Variants in SDR42E1 observed in about 807,000 individuals in gnomAD.
The protein encoded by SDR42E1 is short-chain dehydrogenase/reductase family 42E member 1.
A neutral mutation model predicts 2.6 loss-of-function variants in SDR42E1; 5 were observed. The ratio of observed to expected loss-of-function variants is 1.94; its 90% confidence interval spans 1.01 to 4.08. The LOEUF (loss-of-function observed/expected upper bound fraction) is 4.08. SDR42E1 is among the 30% of genes most tolerant of loss of function. The probability of loss-of-function intolerance (pLI) is 0.00; values close to 1 mark genes in which losing one functional copy is unlikely to be tolerated. For synonymous variants in SDR42E1, 231 were observed against 188.3 expected (o/e 1.23, Z -1.86); for missense variants, 596 against 478.6 (o/e 1.25, Z -2.29).
Position 81,989,394 on chromosome 16 carries a change from G to C in SDR42E1, c.*9717C>G, listed in dbSNP as rs1013102148. Reference sequence around the variant, plus strand: ...GAAATTTGGGGACATTAGTAAAAGGGGTCTTTGGCCTTATCCGTAATATTT... The same window carrying C: ...GAAATTTGGGGACATTAGTAAAAGGCGTCTTTGGCCTTATCCGTAATATTT... On this transcript the variant is annotated 3_prime_UTR_variant, in exon 3 of 3. Coordinates refer to ENST00000328945, the MANE Select transcript of SDR42E1 (RefSeq NM_145168.3). The C allele has an allele frequency of 2.0e-5, 3 of 152,026 alleles. No individual in the cohort carries two copies. Among genetic ancestry groups the C allele is most frequent in the Admixed American group, 6.5e-5 (1 of 15,272 alleles). The allele number at this position is 152,026 out of a possible 1,614,324, so 9.4% of individuals were successfully genotyped here.
At position 81,989,188 on chromosome 16, in the gene SDR42E1, A is replaced by T. The variant is rs1466142504; in HGVS notation, c.*9923T>A. 6.6e-6 allele frequency: 1 copy of T among 152,176 alleles called. No individual in the cohort carries two copies. Among genetic ancestry groups the T allele is most frequent in the Non-Finnish European group, 1.5e-5 (1 of 68,024 alleles). The allele number at this position is 152,176 out of a possible 1,614,324, so 9.4% of individuals were successfully genotyped here. A position where few individuals can be genotyped will look rare whatever the true frequency, so the allele number is the denominator to read the frequency against. On this transcript the variant is annotated 3_prime_UTR_variant, in exon 3 of 3. Coordinates refer to ENST00000328945, the MANE Select transcript of SDR42E1 (RefSeq NM_145168.3). The stretch of plus-strand genomic sequence containing the variant: ...ACTAGGACATATGCTTATCATCTTT[A>T]TATACCCGGTGACCTCCTATGTCAG...
At chr16:82,011,231 A>G (rs929218651) in intron 1 of SDR42E1, among the ~76,000 whole-genome samples, 156 bp downstream of exon 1, 4 of 152,132 alleles carry the variant, frequency 2.6e-5, no homozygotes, top group African/African-American at 9.6e-5. Context: ...GATCAGGAAG[A>G]CATCTGAAAG....
In SDR42E1 at chr16:81,997,227, G is replaced by A. The variant is rs944175741; in HGVS notation, c.*1884C>T. ...CCGTTGGGCCCCTAAAATCCTTCTG[G>A]CAAGAAGCAGGCAGAAAAAGCTTTG... On this transcript the variant is annotated 3_prime_UTR_variant, in exon 3 of 3. Transcript: ENST00000328945. 4 of 152,210 alleles carry A rather than the reference G, an allele frequency of 2.6e-5. No individual in the cohort carries two copies. The highest frequency in any genetic ancestry group is 5.9e-5 in the Non-Finnish European group (4 of 68,040). The allele number at this position is 152,210 out of a possible 1,614,324, so 9.4% of individuals were successfully genotyped here.
chr16:82,010,047 C>G (rs2143870328), intron 1 of SDR42E1, among the ~76,000 whole-genome samples: 2 of 152,370 alleles, frequency 1.3e-5, no homozygotes, highest in African/African-American at 4.8e-5. Context: ...TAAGATGTGA[C>G]TTTGCTCCTC....
intron 1 of SDR42E1, among the ~76,000 whole-genome samples, chr16:82,005,424 CA>C (rs1401268160): frequency 6.6e-6 from 1 of 152,204 alleles, no homozygotes; most frequent in Non-Finnish European, 1.5e-5. Flanking sequence ...AAAGCCTTCA[CA>C]GGATGGTAGC....
In SDR42E1 at chr16:81,998,933, T is replaced by C; in HGVS notation, c.*178A>G. 1.5e-6 allele frequency: 1 copy of C among 657,732 alleles called. No individual in the cohort carries two copies. Among genetic ancestry groups the C allele is most frequent in the African/African-American group, 1.8e-5 (1 of 55,096 alleles). The allele number at this position is 657,732 out of a possible 1,614,324, so 40.7% of individuals were successfully genotyped here. ...ACTAATCTCTGCTTCTGCTTTTTCATTCCCATCTGGATTAGTGCAAGGAAA... is the reference window on the plus strand; with the variant it reads ...ACTAATCTCTGCTTCTGCTTTTTCACTCCCATCTGGATTAGTGCAAGGAAA... On this transcript the variant is annotated 3_prime_UTR_variant, in exon 3 of 3. Coordinates refer to ENST00000328945, the MANE Select transcript of SDR42E1 (RefSeq NM_145168.3).
intron 1 of SDR42E1, among the ~76,000 whole-genome samples, chr16:82,003,311 G>A (rs895066520): frequency 1.3e-5 from 2 of 152,208 alleles, no homozygotes; most frequent in South Asian, 2.1e-4. Context: ...TTTTCTGAGT[G>A]CAGAACACTC....
At chr16:82,005,959 T>G (rs1912919876) in intron 1 of SDR42E1, among the ~76,000 whole-genome samples, 1 of 152,164 alleles carries the variant, frequency 6.6e-6, no homozygotes, top group Admixed American at 6.5e-5. Context: ...GAGAAAAAAC[T>G]AATAAAAGAT....
chr16:82,002,498 G>A (rs1485840446), intron 1 of SDR42E1, among the ~76,000 whole-genome samples: 1 of 152,150 alleles, frequency 6.6e-6, no homozygotes, highest in African/African-American at 2.4e-5. Context: ...TGCTTTATGT[G>A]TATGTTAGCC....
chr16:82,001,290 A>G (rs183963644), intron 1 of SDR42E1, among the ~76,000 whole-genome samples: 1 of 152,300 alleles, frequency 6.6e-6, no homozygotes, highest in East Asian at 1.9e-4. Flanking sequence ...AAAATTAGAG[A>G]GCACTCTAAA....
rs1000794365 is a variant in SDR42E1 at position 81,990,276 on chromosome 16, G to C, written c.*8835C>G. 3 of 152,160 alleles carry C rather than the reference G, an allele frequency of 2.0e-5. No homozygotes were observed. The highest frequency in any genetic ancestry group is 7.2e-5 in the African/African-American group (3 of 41,406). The allele number at this position is 152,160 out of a possible 1,614,324, so 9.4% of individuals were successfully genotyped here. ...GTCCACAGTGCTACACTTCAGCCTG[G>C]TCGACAGAGTGACACCATGTCTCAA... On this transcript the variant is annotated 3_prime_UTR_variant, in exon 3 of 3. Coordinates refer to ENST00000328945, the MANE Select transcript of SDR42E1 (RefSeq NM_145168.3).
Position 81,998,978 on chromosome 16 carries a change from C to G in SDR42E1, c.*133G>C, listed in dbSNP as rs771842771. The G allele has an allele frequency of 4.5e-6, 4 of 881,078 alleles. No homozygotes were observed. The highest frequency in any genetic ancestry group is 6.8e-6 in the Non-Finnish European group (4 of 589,450). 54.6% of individuals were successfully genotyped at this position (881,078 alleles called of 1,614,324 possible). A position where few individuals can be genotyped will look rare whatever the true frequency, so the allele number is the denominator to read the frequency against. On this transcript the variant is annotated 3_prime_UTR_variant, in exon 3 of 3. Transcript: ENST00000328945. ...AGGAAATAAGACATAAAGATTCAAT[C>G]CAAGAACCTATTCTTAAGTAGCAAT...
At chr16:82,005,006 T>A (rs1026205794) in intron 1 of SDR42E1, among the ~76,000 whole-genome samples, 1 of 152,240 alleles carries the variant, frequency 6.6e-6, no homozygotes, top group African/African-American at 2.4e-5. Context: ...GGATGTCAGA[T>A]AACAATTTAA....
chr16:81,995,550 A>G lies in SDR42E1; in HGVS notation c.*3561T>C, dbSNP rs1912522871. ...TATAGCATTAATACTCCACCAGATCATATAGACAATGACTTCCCTTACTCA... is the reference window on the plus strand; with the variant it reads ...TATAGCATTAATACTCCACCAGATCGTATAGACAATGACTTCCCTTACTCA... On this transcript the variant is annotated 3_prime_UTR_variant, in exon 3 of 3. Transcript: ENST00000328945. 1 of 152,176 alleles carries G rather than the reference A, an allele frequency of 6.6e-6. No individual in the cohort carries two copies. Among genetic ancestry groups the G allele is most frequent in the Non-Finnish European group, 1.5e-5 (1 of 68,028 alleles). The allele number at this position is 152,176 out of a possible 1,614,324, so 9.4% of individuals were successfully genotyped here. A position where few individuals can be genotyped will look rare whatever the true frequency, so the allele number is the denominator to read the frequency against.
chr16:82,000,310 T>C (rs1046314264), intron 2 of SDR42E1, 86 bp from the exon 3 acceptor site: 13 of 1,536,242 alleles, frequency 8.5e-6, no homozygotes, highest in Admixed American at 8.4e-5. Flanking sequence ...CCAATCAAGG[T>C]GGGGCTGATC....
At position 81,997,619 on chromosome 16, in the gene SDR42E1, T is replaced by C. The variant is rs1477414168; in HGVS notation, c.*1492A>G. On this transcript the variant is annotated 3_prime_UTR_variant, in exon 3 of 3. Coordinates refer to ENST00000328945, the MANE Select transcript of SDR42E1 (RefSeq NM_145168.3). The stretch of plus-strand genomic sequence containing the variant: ...TGACAGAAAAGACTCCAAACACGTT[T>C]TCCTAAAAACAATCACTACCATCAC... 1 of 152,230 alleles carries C rather than the reference T, an allele frequency of 6.6e-6. No homozygotes were observed. Among genetic ancestry groups the C allele is most frequent in the Non-Finnish European group, 1.5e-5 (1 of 68,054 alleles). The allele number at this position is 152,230 out of a possible 1,614,324, so 9.4% of individuals were successfully genotyped here. A position where few individuals can be genotyped will look rare whatever the true frequency, so the allele number is the denominator to read the frequency against.
Position 82,000,185 on chromosome 16 carries a change from A to T in SDR42E1, c.108T>A (p.Ile36=), listed in dbSNP as rs984711946. 1.2e-6 allele frequency: 2 copies of T among 1,611,060 alleles called. No individual in the cohort carries two copies. Among genetic ancestry groups the T allele is most frequent in the Admixed American group, 3.3e-5 (2 of 59,996 alleles). The part of the protein sequence containing the change: ...CALNQNGVHV[I]LFDISSPAQT... ...GAGCAGGGCTGCTGATGTCAAACAG[A>T]ATCACATGGACTCCATTTTGGTTCA... The change falls in exon 3 of 3, where the codon ATT becomes ATA. Residue 36 remains isoleucine (I), a synonymous_variant. Coordinates refer to ENST00000328945, the MANE Select transcript of SDR42E1 (RefSeq NM_145168.3).
chr16:82,004,864 G>T (rs970177114), intron 1 of SDR42E1, among the ~76,000 whole-genome samples: 3 of 152,246 alleles, frequency 2.0e-5, no homozygotes, highest in African/African-American at 7.2e-5. Context: ...TGAAATCAGG[G>T]TGAGGGCTGG....
At position 81,993,652 on chromosome 16, in the gene SDR42E1, G is replaced by T. The variant is rs1567560595; in HGVS notation, c.*5459C>A. 6.6e-6 allele frequency: 1 copy of T among 152,016 alleles called. No homozygotes were observed. Among genetic ancestry groups the T allele is most frequent in the Non-Finnish European group, 1.5e-5 (1 of 68,016 alleles). The allele number at this position is 152,016 out of a possible 1,614,324, so 9.4% of individuals were successfully genotyped here. ...GGAATCAGCTGTAATTTCAGATAAG[G>T]GACCACCTGGCTGATAAGTGCATTC... On this transcript the variant is annotated 3_prime_UTR_variant, in exon 3 of 3. Coordinates refer to ENST00000328945, the MANE Select transcript of SDR42E1 (RefSeq NM_145168.3).
Sources: gnomAD v4.1 joint callset for allele counts (sites outside exome capture counted in the v4.1 genomes callset) on GRCh38, gnomAD v4.1.1 for gene constraint, MANE v1.5 for transcripts, NCBI Gene and HGNC (gene_info 2026-07-23, HGNC 2026-07-21) for gene names.